RUNX1: variants seen among roughly 807,000 people sequenced by gnomAD.
RUNX1 encodes RUNX family transcription factor 1.
In RUNX1, 19 loss-of-function variants were observed where a neutral mutation model predicts 42.8. That is an observed-to-expected ratio of 0.44 (90% confidence interval 0.31 to 0.65). The LOEUF is 0.65. Ranked by LOEUF, RUNX1 falls within the 30% of genes least tolerant of loss-of-function variation. The probability of loss-of-function intolerance (pLI) is 0.07; values close to 1 mark genes in which losing one functional copy is unlikely to be tolerated. For missense variants in RUNX1, 528 were observed against 672.0 expected, an observed-to-expected ratio of 0.79 and a Z score of 2.37; for synonymous variants, 271 against 289.4, an observed-to-expected ratio of 0.94 and a Z score of 0.64.
At chr21:35,010,268 T>A (rs1223236113) in intron 2 of RUNX1, among the ~76,000 whole-genome samples, 1 of 152,212 alleles carries the variant, frequency 6.6e-6, no homozygotes, top group Non-Finnish European at 1.5e-5. Context: ...ACATTATTTT[T>A]AAAAACATAT....
chr21:34,848,211 T>A (rs980854197), intron 6 of RUNX1, among the ~76,000 whole-genome samples: 1 of 152,234 alleles, frequency 6.6e-6, no homozygotes, highest in Non-Finnish European at 1.5e-5. Context: ...GGGAGGTTAA[T>A]CTGATCCCGA....
At chr21:34,869,461 C>G (rs571720697) in intron 5 of RUNX1, among the ~76,000 whole-genome samples, 46 of 152,210 alleles carry the variant, frequency 3.0e-4, no homozygotes, top group Non-Finnish European at 4.7e-4. Context: ...TGTGTGTTTT[C>G]TATGTCATCA....
At chr21:34,888,662 C>G (rs930382711) in intron 3 of RUNX1, 2 of 1,046,926 alleles carry the variant, frequency 1.9e-6, no homozygotes, top group Non-Finnish European at 2.3e-6. Flanking sequence ...CGCGGGGCGC[C>G]CGTCCCGCCC....
chr21:35,007,368 T>C (rs1245253931), intron 2 of RUNX1, among the ~76,000 whole-genome samples: 1 of 152,050 alleles, frequency 6.6e-6, no homozygotes, highest in Non-Finnish European at 1.5e-5. Flanking sequence ...TCTCTCAGGC[T>C]TTGGGGGAAA....
At position 34,815,092 on chromosome 21, in the gene RUNX1, A is replaced by G. The variant is rs965188451; in HGVS notation, c.806-15630T>C. On this transcript the variant is annotated intron_variant, in intron 7 of 8. Coordinates refer to ENST00000675419, the MANE Select transcript of RUNX1 (RefSeq NM_001754.5). ...TTTGAAAAAAAAAATTAAAAAGCAA[A>G]CCAGTCTCAACAGCACCTCTGAATT... is the stretch of plus-strand genomic sequence containing the variant. Among the ~76,000 whole-genome samples, 4 of 152,268 alleles carry G rather than the reference A, an allele frequency of 2.6e-5. No homozygotes were observed. The East Asian group carries it at 5.8e-4, about 22-fold the overall frequency.
At chr21:34,909,692 G>A (rs543932547) in intron 2 of RUNX1, among the ~76,000 whole-genome samples, 16 of 149,856 alleles carry the variant, frequency 1.1e-4, no homozygotes, top group African/African-American at 3.7e-4. Flanking sequence ...CAAGTCCCCC[G>A]GGTCTCTGGC....
At chr21:34,892,695 C>T (rs545555839) in intron 3 of RUNX1, among the ~76,000 whole-genome samples, 1 of 152,158 alleles carries the variant, frequency 6.6e-6, no homozygotes, top group African/African-American at 2.4e-5. Context: ...CTATGGTAAA[C>T]GCTGTAGAAC....
chr21:34,815,608 A>C (rs1480808928), intron 7 of RUNX1, among the ~76,000 whole-genome samples: 1 of 152,200 alleles, frequency 6.6e-6, no homozygotes, highest in Non-Finnish European at 1.5e-5. Flanking sequence ...AACAATCTAG[A>C]ATGCTTTTAG....
intron 2 of RUNX1, among the ~76,000 whole-genome samples, chr21:34,977,685 G>C (rs529091820): frequency 3.7e-4 from 56 of 152,286 alleles, no homozygotes; most frequent in Middle Eastern, 3.4e-3. Context: ...CATACTTTTA[G>C]AAGTTACTTC....
chr21:34,929,306 A>G (rs532014961), intron 2 of RUNX1, among the ~76,000 whole-genome samples: 2 of 152,336 alleles, frequency 1.3e-5, no homozygotes, highest in South Asian at 4.1e-4. Context: ...GGAAAAACAC[A>G]AAAGCTGGGG....
intron 6 of RUNX1, among the ~76,000 whole-genome samples, chr21:34,837,870 G>A (rs1293928904): frequency 6.6e-6 from 1 of 151,972 alleles, no homozygotes; most frequent in African/African-American, 2.4e-5. Flanking sequence ...CTTAAGCAGA[G>A]TTGAAAAAGG....
At chr21:34,859,229 A>G in intron 6 of RUNX1, 1 of 557,288 alleles carries the variant, frequency 1.8e-6, no homozygotes. Flanking sequence ...TGGTTCTAAC[A>G]TATGATTCAG....
At chr21:34,998,701 C>T (rs910594191) in intron 2 of RUNX1, among the ~76,000 whole-genome samples, 3 of 152,108 alleles carry the variant, frequency 2.0e-5, no homozygotes, top group Non-Finnish European at 4.4e-5. Context: ...GCCACCATGC[C>T]TGGCTAATTT....
At chr21:35,036,115 C>CGT (rs2059305932) in intron 2 of RUNX1, among the ~76,000 whole-genome samples, 1 of 152,034 alleles carries the variant, frequency 6.6e-6, no homozygotes, top group African/African-American at 2.4e-5. Context: ...CGAGCCCTGG[C>CGT]GTGTGTGCAG....
chr21:35,047,356 C>A (rs1020108629), intron 2 of RUNX1, among the ~76,000 whole-genome samples: 4 of 152,090 alleles, frequency 2.6e-5, no homozygotes, highest in Non-Finnish European at 5.9e-5. Flanking sequence ...AACGACGCTG[C>A]AAGACTAGTG....
At position 34,799,985 on chromosome 21, in the gene RUNX1, C is replaced by T. The variant is rs1179251512; in HGVS notation, c.806-523G>A. On this transcript the variant is annotated intron_variant, in intron 7 of 8. Coordinates refer to ENST00000675419, the MANE Select transcript of RUNX1 (RefSeq NM_001754.5). ...GGCTGGTAAATGTTTTATAGTAAGGCGAATTCTCTCCCAAGGATGACAGGA... is the reference window on the plus strand; with the variant it reads ...GGCTGGTAAATGTTTTATAGTAAGGTGAATTCTCTCCCAAGGATGACAGGA... Among the ~76,000 whole-genome samples, 25 of 151,866 alleles carry T rather than the reference C, an allele frequency of 1.6e-4. 1 individual carries two copies. Among genetic ancestry groups the T allele is most frequent in the Admixed American group, 1.6e-3 (25 of 15,238 alleles).
At chr21:34,874,998 G>A (rs1395852961) in intron 5 of RUNX1, among the ~76,000 whole-genome samples, 1 of 152,168 alleles carries the variant, frequency 6.6e-6, no homozygotes, top group Non-Finnish European at 1.5e-5. Context: ...GAGGGTGGGT[G>A]GAGAGAAGTA....
chr21:34,827,750 G>A (rs1486971558), intron 7 of RUNX1, among the ~76,000 whole-genome samples: 1 of 152,194 alleles, frequency 6.6e-6, no homozygotes, highest in Non-Finnish European at 1.5e-5. Context: ...CTGCCATTCT[G>A]AAGGGCACAA....
chr21:34,831,826 T>C lies in RUNX1; in HGVS notation c.805+2584A>G, dbSNP rs563174001. Among the ~76,000 whole-genome samples the C allele has an allele frequency of 5.9e-5, 9 of 152,172 alleles. No individual in the cohort carries two copies. The East Asian group carries it at 1.7e-3, about 29-fold the overall frequency. On this transcript the variant is annotated intron_variant, in intron 7 of 8. Transcript: ENST00000675419. ...AACAAGACTTGCATATTATACCTGT[T>C]AACTTTCCAATTTCAAGAGAAAAAG...
Sources: allele counts gnomAD v4.1 joint callset (sites outside exome capture counted in the v4.1 genomes callset), GRCh38; gene constraint gnomAD v4.1.1; transcripts MANE v1.5; gene names NCBI Gene and HGNC (gene_info 2026-07-23, HGNC 2026-07-21).